Variants in SNTG1 observed in about 807,000 individuals in gnomAD.
The protein encoded by SNTG1 is syntrophin gamma 1, also known as gamma-1-syntrophin.
A neutral mutation model predicts 74.7 loss-of-function variants in SNTG1; 39 were observed. The ratio of observed to expected loss-of-function variants is 0.52; its 90% CI spans 0.40 to 0.68. The LOEUF is 0.68. Ranked by LOEUF, SNTG1 falls within the 30% of genes least tolerant of loss-of-function variation. The pLI is 0.00. For missense variants in SNTG1, 685 were observed against 609.5 expected, an observed-to-expected ratio of 1.12 and a Z score of -1.30; for synonymous variants, 254 against 217.1, an observed-to-expected ratio of 1.17 and a Z score of -1.49.
chr8:50,495,463 CTT>C (rs66691982), intron 8 of SNTG1, among the ~76,000 whole-genome samples: 3,763 of 129,942 alleles, frequency 0.029, 143 homozygotes, highest in African/African-American at 0.095. Context: ...ATGTCAAATT[CTT>C]TTTTTTTTTT....
intron 8 of SNTG1, among the ~76,000 whole-genome samples, chr8:50,460,370 G>A (rs577657450): frequency 1.3e-5 from 2 of 152,040 alleles, no homozygotes; most frequent in Non-Finnish European, 2.9e-5. Flanking sequence ...GTTCTTTAAG[G>A]ACTCTGGATA....
intron 17 of SNTG1, among the ~76,000 whole-genome samples, chr8:50,741,207 A>C (rs935939304): frequency 6.6e-6 from 1 of 151,822 alleles, no homozygotes; most frequent in African/African-American, 2.4e-5. Context: ...TCATCGCAAC[A>C]CTCACCTCCT....
chr8:50,775,597 G>A (rs2131804833), intron 18 of SNTG1, among the ~76,000 whole-genome samples: 1 of 151,586 alleles, frequency 6.6e-6, no homozygotes, highest in Admixed American at 6.6e-5. Context: ...TATTTGTATT[G>A]TCCAAAAGTT....
intron 1 of SNTG1, among the ~76,000 whole-genome samples, chr8:49,917,473 AG>A (rs1315596232): frequency 1.3e-5 from 2 of 152,310 alleles, no homozygotes; most frequent in South Asian, 2.1e-4. Flanking sequence ...GAAGTCTCTA[AG>A]TCTGATGTCC....
At chr8:50,636,997 T>C (rs1289953869) in intron 13 of SNTG1, among the ~76,000 whole-genome samples, 1 of 152,182 alleles carries the variant, frequency 6.6e-6, no homozygotes, top group Non-Finnish European at 1.5e-5. Context: ...AGCTTTACCA[T>C]CTTCCAGGGT....
At chr8:50,015,038 T>C (rs1186690240) in intron 1 of SNTG1, among the ~76,000 whole-genome samples, 1 of 144,976 alleles carries the variant, frequency 6.9e-6, no homozygotes, top group Non-Finnish European at 1.5e-5. Flanking sequence ...CAACAAAAAA[T>C]GTCCTACAGA....
At chr8:50,193,035 C>T (rs1206370356) in intron 2 of SNTG1, among the ~76,000 whole-genome samples, 1 of 152,026 alleles carries the variant, frequency 6.6e-6, no homozygotes, top group African/African-American at 2.4e-5. Context: ...CAGTACCATG[C>T]TGTTTGGGTG....
chr8:49,925,494 G>A (rs536436409), intron 1 of SNTG1, among the ~76,000 whole-genome samples: 1 of 152,214 alleles, frequency 6.6e-6, no homozygotes, highest in Non-Finnish European at 1.5e-5. Context: ...GTGGAGTTCT[G>A]TGTGGTTTAT....
intron 2 of SNTG1, among the ~76,000 whole-genome samples, chr8:50,251,406 A>G (rs1335890177): frequency 1.3e-5 from 2 of 152,018 alleles, no homozygotes; most frequent in African/African-American, 4.8e-5. Context: ...ATGTAAGTGG[A>G]TTAAATTTTC....
intron 15 of SNTG1, among the ~76,000 whole-genome samples, chr8:50,690,178 G>C (rs1227692133): frequency 6.6e-6 from 1 of 151,898 alleles, no homozygotes; most frequent in Admixed American, 6.6e-5. Flanking sequence ...TATCAATTTT[G>C]TTGATCTTTT....
intron 2 of SNTG1, among the ~76,000 whole-genome samples, chr8:50,332,371 C>T (rs910007961): frequency 4.0e-5 from 6 of 151,690 alleles, no homozygotes; most frequent in Non-Finnish European, 7.4e-5. Flanking sequence ...AGTGTGCCCT[C>T]GTGTACATCC....
intron 1 of SNTG1, among the ~76,000 whole-genome samples, chr8:50,052,118 A>C (rs1819627308): frequency 6.6e-6 from 1 of 152,050 alleles, no homozygotes; most frequent in African/African-American, 2.4e-5. Context: ...GATAGAACAA[A>C]GTTGGAGGAT....
At chr8:50,590,981 G>T in intron 13 of SNTG1, 64 bp downstream of exon 13, 1 of 1,144,992 alleles carries the variant, frequency 8.7e-7, no homozygotes, top group South Asian at 1.7e-5. Flanking sequence ...GATTATAGAA[G>T]ATAACGTTAC....
intron 2 of SNTG1, among the ~76,000 whole-genome samples, chr8:50,347,464 C>A (rs1044183981): frequency 1.1e-4 from 16 of 152,202 alleles, no homozygotes; most frequent in Non-Finnish European, 2.1e-4. Context: ...CTGATGGAAA[C>A]CTGCAACAGG....
At chr8:50,024,254 G>A (rs577332167) in intron 1 of SNTG1, among the ~76,000 whole-genome samples, 1 of 152,214 alleles carries the variant, frequency 6.6e-6, no homozygotes, top group South Asian at 2.1e-4. Flanking sequence ...ACATTGACCT[G>A]TCCATGACTT....
chr8:50,189,743 C>T (rs2083499869), intron 2 of SNTG1, among the ~76,000 whole-genome samples: 1 of 152,090 alleles, frequency 6.6e-6, no homozygotes, highest in African/African-American at 2.4e-5. Context: ...ACATTTAATA[C>T]ATTTCAGAAG....
At chr8:50,538,106 T>C (rs2094320458) in intron 11 of SNTG1, among the ~76,000 whole-genome samples, 1 of 152,176 alleles carries the variant, frequency 6.6e-6, no homozygotes, top group African/African-American at 2.4e-5. Flanking sequence ...GGTATTATAA[T>C]ATGTGTAGGT....
Position 50,502,848 on chromosome 8 carries a change from T to G in SNTG1, c.434T>G (p.Phe145Cys). Residue 145 changes from phenylalanine to cysteine, a missense_variant, in exon 9 of 19, where the codon TTC (phenylalanine) becomes TGC (cysteine). Phe to Cys is a radical substitution (Grantham distance 205, BLOSUM62 -2). Transcript: ENST00000642720. The stretch of plus-strand genomic sequence containing the variant: ...TCATTTTTAAAAAGAGCACCTGCTT[T>G]CCTCAAACTCCCATTGAATGAAGAT... ...TVSFLKRAPA[F>C]LKLPLNEDCA... 2 of 1,613,408 alleles carry G rather than the reference T, an allele frequency of 1.2e-6. No individual in the cohort carries two copies. The highest frequency in any genetic ancestry group is 1.7e-6 in the Non-Finnish European group (2 of 1,179,606).
chr8:50,165,575 C>T (rs1291242542), intron 1 of SNTG1, among the ~76,000 whole-genome samples: 1 of 152,164 alleles, frequency 6.6e-6, no homozygotes, highest in African/African-American at 2.4e-5. Flanking sequence ...TTTACGTCAT[C>T]TTCAGCCACG....
Sources: allele counts gnomAD v4.1 joint callset (sites outside exome capture counted in the v4.1 genomes callset), GRCh38; gene constraint gnomAD v4.1.1; transcripts MANE v1.5; gene names NCBI Gene and HGNC (gene_info 2026-07-23, HGNC 2026-07-21).